Variants in STK31 observed in about 807,000 individuals in gnomAD.
STK31 encodes serine/threonine-protein kinase 31.
A neutral mutation model predicts 129.7 loss-of-function variants in STK31; 89 were observed. The observed-to-expected ratio is 0.69, with a 90% confidence interval of 0.58 to 0.82. The LOEUF (loss-of-function observed/expected upper bound fraction) is 0.82, where lower values mean the gene tolerates loss of function less well. Ranked by LOEUF, STK31 falls within the 40% of genes least tolerant of loss-of-function variation. The probability of loss-of-function intolerance (pLI) is 0.00; values close to 1 mark genes in which losing one functional copy is unlikely to be tolerated. For synonymous variants in STK31, 448 were observed against 395.3 expected (o/e 1.13, Z -1.58); for missense variants, 1,187 against 1,176.4 (o/e 1.01, Z -0.13).
At chr7:23,811,546 C>G in intron 22 of STK31, 1 of 230,900 alleles carries the variant, frequency 4.3e-6, no homozygotes, top group Non-Finnish European at 9.3e-6. Context: ...TACCCTATGT[C>G]TTACTGACCA....
chr7:23,832,508 A>C lies in STK31; in HGVS notation c.*142A>C. The C allele has an allele frequency of 1.5e-6, 1 of 654,422 alleles. No homozygotes were observed. The highest frequency in any genetic ancestry group is 2.0e-5 in the South Asian group (1 of 50,850). The allele number at this position is 654,422 out of a possible 1,614,324, so 40.5% of individuals were successfully genotyped here. ...GAAAAATAAAGATGTTTGGCTATGCACAAAATAGTTTGTATGCTTTGAACT... is the reference window on the plus strand; with the variant it reads ...GAAAAATAAAGATGTTTGGCTATGCCCAAAATAGTTTGTATGCTTTGAACT... On this transcript the variant is annotated 3_prime_UTR_variant, in exon 24 of 24. Transcript: ENST00000355870.
chr7:23,823,858 C>T (rs1191551078), intron 23 of STK31, among the ~76,000 whole-genome samples: 2 of 152,148 alleles, frequency 1.3e-5, no homozygotes, highest in Non-Finnish European at 2.9e-5. Flanking sequence ...ATAGGGAATC[C>T]TTTCCCCATT....
chr7:23,762,042 G>T (rs1239566662), intron 10 of STK31, among the ~76,000 whole-genome samples: 1 of 151,404 alleles, frequency 6.6e-6, no homozygotes. Flanking sequence ...TTAAGTGTAT[G>T]TGCCAGACAC....
chr7:23,783,386 G>A (rs1019702952), intron 16 of STK31, among the ~76,000 whole-genome samples, 197 bp from the exon 17 acceptor site: 13 of 152,158 alleles, frequency 8.5e-5, no homozygotes, highest in African/African-American at 2.2e-4. Context: ...CTCAGGCCAT[G>A]TTTAATTTGC....
intron 23 of STK31, among the ~76,000 whole-genome samples, chr7:23,815,968 A>G (rs1793446241): frequency 6.6e-6 from 1 of 152,184 alleles, no homozygotes; most frequent in African/African-American, 2.4e-5. Context: ...AGCTATTTTG[A>G]GTTAAGATTA....
chr7:23,824,198 A>G (rs1241112169), intron 23 of STK31, among the ~76,000 whole-genome samples: 1 of 152,032 alleles, frequency 6.6e-6, no homozygotes, highest in South Asian at 2.1e-4. Flanking sequence ...CAGTATGGCC[A>G]TTTTCTCGAT....
chr7:23,736,591 G>T (rs112352154), intron 7 of STK31, among the ~76,000 whole-genome samples: 2 of 146,342 alleles, frequency 1.4e-5, no homozygotes, highest in East Asian at 4.2e-4. Flanking sequence ...TCACGGGGGG[G>T]GGATCACAGG....
intron 10 of STK31, among the ~76,000 whole-genome samples, chr7:23,757,420 G>C (rs1057086097): frequency 3.3e-5 from 5 of 152,096 alleles, no homozygotes; most frequent in Non-Finnish European, 5.9e-5. Context: ...TCTCGGAGAG[G>C]GGGATGTGGC....
chr7:23,789,778 A>T (rs1791506721), intron 21 of STK31, among the ~76,000 whole-genome samples: 1 of 152,178 alleles, frequency 6.6e-6, no homozygotes, highest in African/African-American at 2.4e-5. Context: ...ATAATTATAG[A>T]TATGACTACA....
intron 8 of STK31, among the ~76,000 whole-genome samples, chr7:23,739,654 G>A (rs1441380098): frequency 6.6e-6 from 1 of 152,112 alleles, no homozygotes; most frequent in Non-Finnish European, 1.5e-5. Context: ...TTTTGTATAA[G>A]GTGTAAGGAA....
chr7:23,744,812 T>G (rs1308089434), intron 8 of STK31, among the ~76,000 whole-genome samples: 1 of 152,062 alleles, frequency 6.6e-6, no homozygotes, highest in Non-Finnish European at 1.5e-5. Context: ...TGTTTGCCAG[T>G]CCTCAGACCC....
At position 23,754,373 on chromosome 7, in the gene STK31, G is replaced by T; in HGVS notation, c.1192G>T (p.Asp398Tyr). The T allele has an allele frequency of 6.2e-7, 1 of 1,614,042 alleles. No homozygotes were observed. Among genetic ancestry groups the T allele is most frequent in the Non-Finnish European group, 8.5e-7 (1 of 1,179,976 alleles). Residue 398 changes from aspartate to tyrosine, a missense_variant, in exon 10 of 24, where the codon GAT becomes TAT. Coordinates refer to ENST00000355870, the MANE Select transcript of STK31 (RefSeq NM_031414.5). The part of the protein sequence containing the change: ...KDLSDAIQVL[D>Y]EGCFTTPASL... ...CCTTTCAGATGCTATACAAGTGTTG[G>T]ATGAAGGGTGCTTTACTACTCCAGC...
chr7:23,712,376 C>A, intron 3 of STK31, 90 bp downstream of exon 3: 1 of 1,218,932 alleles, frequency 8.2e-7, no homozygotes, highest in Non-Finnish European at 1.2e-6. Context: ...GGAATAAATA[C>A]ATTTGTCATT....
At chr7:23,744,944 G>A in intron 8 of STK31, among the ~76,000 whole-genome samples, 1 of 152,318 alleles carries the variant, frequency 6.6e-6, no homozygotes, top group African/African-American at 2.4e-5. Flanking sequence ...TTGCTTGGGT[G>A]CTAGTAGCAG....
At chr7:23,734,400 G>A (rs1787600529) in intron 6 of STK31, among the ~76,000 whole-genome samples, 1 of 152,130 alleles carries the variant, frequency 6.6e-6, no homozygotes, top group Non-Finnish European at 1.5e-5. Context: ...GTACGCACAG[G>A]GTGAAATTCA....
At position 23,710,241 on chromosome 7, in the gene STK31, G is replaced by C; in HGVS notation, c.-45G>C. 1 of 1,590,686 alleles carries C rather than the reference G, an allele frequency of 6.3e-7. No homozygotes were observed. Among genetic ancestry groups the C allele is most frequent in the Non-Finnish European group, 8.6e-7 (1 of 1,166,948 alleles). ...CTTGCGGTCGAAGCTCACGCGGTAA[G>C]CCGCTGCACGTGTGCTACGGCGGGC... On this transcript the variant is annotated 5_prime_UTR_variant, in exon 1 of 24. Coordinates refer to ENST00000355870, the MANE Select transcript of STK31 (RefSeq NM_031414.5).
rs1216793502 is a variant in STK31 at position 23,717,470 on chromosome 7, A to C, written c.151-11A>C. On this transcript the variant is annotated splice_polypyrimidine_tract_variant and intron_variant, in intron 3 of 23. Transcript: ENST00000355870. ...TTTTACTGTATCTTATACTATATCT[A>C]ATCTTTCTAGAGTATCAATAGAAAT... 5 of 1,562,754 alleles carry C rather than the reference A, an allele frequency of 3.2e-6. No individual in the cohort carries two copies. The African/African-American group carries it at 6.8e-5, about 21-fold the overall frequency.
intron 15 of STK31, among the ~76,000 whole-genome samples, chr7:23,774,637 C>T (rs1790423469): frequency 1.3e-5 from 2 of 152,016 alleles, no homozygotes; most frequent in South Asian, 4.1e-4. Context: ...TTGTTTTTTT[C>T]TTGTAAATTT....
At chr7:23,789,490 C>T (rs1488462248) in intron 21 of STK31, among the ~76,000 whole-genome samples, 1 of 151,948 alleles carries the variant, frequency 6.6e-6, no homozygotes, top group Admixed American at 6.6e-5. Flanking sequence ...TGCTTTTATA[C>T]TTTGGTCATC....
Sources: gnomAD v4.1 joint callset for allele counts (sites outside exome capture counted in the v4.1 genomes callset) on GRCh38, gnomAD v4.1.1 for gene constraint, MANE v1.5 for transcripts, NCBI Gene and HGNC (gene_info 2026-07-23, HGNC 2026-07-21) for gene names.